PHF20L1: variants seen among roughly 807,000 people sequenced by gnomAD.
PHF20L1 encodes the protein PHD finger protein 20 like 1.
PHF20L1 carries 44 observed loss-of-function variants against 125.5 expected under a neutral mutation model. The observed-to-expected ratio is 0.35, with a 90% CI of 0.28 to 0.45. PHF20L1 has a LOEUF of 0.45. Among genes scored for constraint, PHF20L1 ranks in the 20% least tolerant of loss-of-function variants. The pLI is 1.00. For synonymous variants in PHF20L1, 380 were observed against 403.1 expected, an observed-to-expected ratio of 0.94 and a Z score of 0.69; for missense variants, 1,012 against 1,217.2, an observed-to-expected ratio of 0.83 and a Z score of 2.51.
chr8:132,808,648 A>G (rs1240540712), intron 8 of PHF20L1: 2 of 152,004 alleles, frequency 1.3e-5, no homozygotes, highest in Non-Finnish European at 2.9e-5. Context: ...GAGAATAAAA[A>G]CCTAATGAAT....
In PHF20L1 at chr8:132,793,348, A is replaced by G. The variant is rs148990193; in HGVS notation, c.84-1062A>G. Among the ~76,000 whole-genome samples, 5 of 152,298 alleles carry G rather than the reference A, an allele frequency of 3.3e-5. No homozygotes were observed. The East Asian group carries it at 9.6e-4, about 29-fold the overall frequency. ...AGCTCTACCGGAGAATGATCCTTGA[A>G]ATATCTGAAAAACTCTGAATAGCAA... On this transcript the variant is annotated intron_variant, in intron 2 of 20. Transcript: ENST00000395386.
At chr8:132,810,992 G>T in intron 8 of PHF20L1, 54 bp from the exon 9 acceptor site, 1 of 1,060,644 alleles carries the variant, frequency 9.4e-7, no homozygotes, top group South Asian at 1.3e-5. Flanking sequence ...AAGTTAATTA[G>T]GGTGTAAATC....
chr8:132,844,727 T>C (rs897894430), intron 20 of PHF20L1, among the ~76,000 whole-genome samples: 1 of 152,170 alleles, frequency 6.6e-6, no homozygotes, highest in Non-Finnish European at 1.5e-5. Flanking sequence ...CAAAAACTTC[T>C]ACAAAGTTAA....
Position 132,846,217 on chromosome 8 carries a change from A to G in PHF20L1, c.*294A>G, listed in dbSNP as rs1159387440. The stretch of plus-strand genomic sequence containing the variant: ...GGATTTCAAGTTCTCAGAATTTTTG[A>G]GTAGTTGCTTACGTGAAGCTCAAGA... On this transcript the variant is annotated 3_prime_UTR_variant, in exon 21 of 21. Transcript: ENST00000395386. 1 of 225,182 alleles carries G rather than the reference A, an allele frequency of 4.4e-6. No individual in the cohort carries two copies. Among genetic ancestry groups the G allele is most frequent in the Non-Finnish European group, 8.7e-6 (1 of 115,138 alleles). 13.9% of individuals were successfully genotyped at this position (225,182 alleles called of 1,614,324 possible).
intron 14 of PHF20L1, among the ~76,000 whole-genome samples, chr8:132,831,478 A>G (rs1563842328): frequency 6.6e-6 from 1 of 152,078 alleles, no homozygotes; most frequent in Non-Finnish European, 1.5e-5. Context: ...CAGAATTTTT[A>G]CAGAGTTCTT....
intron 2 of PHF20L1, among the ~76,000 whole-genome samples, chr8:132,779,149 A>G (rs1290557297): frequency 1.3e-5 from 2 of 152,208 alleles, no homozygotes; most frequent in African/African-American, 2.4e-5. Context: ...GTTTGAAGCT[A>G]CAATTTGAGA....
At chr8:132,804,785 T>G in intron 8 of PHF20L1, 45 bp downstream of exon 8, 1 of 1,485,348 alleles carries the variant, frequency 6.7e-7, no homozygotes. Context: ...AATGGAAGGT[T>G]TAATTTTAGA....
At chr8:132,817,681 A>G (rs1229859483) in intron 12 of PHF20L1, 136 bp downstream of exon 12, 2 of 630,728 alleles carry the variant, frequency 3.2e-6, no homozygotes, top group African/African-American at 1.8e-5. Flanking sequence ...TTTAACATTT[A>G]TAGGAGAGTT....
chr8:132,793,599 TGTTAACA>T (rs1832032745), intron 2 of PHF20L1, among the ~76,000 whole-genome samples: 1 of 152,222 alleles, frequency 6.6e-6, no homozygotes, highest in East Asian at 1.9e-4. Flanking sequence ...TTGAGTCATC[TGTTAACA>T]TTTTAATACA....
intron 2 of PHF20L1, among the ~76,000 whole-genome samples, chr8:132,781,645 A>T (rs1830443312): frequency 6.6e-6 from 1 of 152,026 alleles, no homozygotes; most frequent in Non-Finnish European, 1.5e-5. Flanking sequence ...GTTGTCTGGG[A>T]TAGTCTCCAT....
Position 132,845,945 on chromosome 8 carries a change from A to C in PHF20L1, c.*22A>C. 1.3e-6 allele frequency: 2 copies of C among 1,592,382 alleles called. No individual in the cohort carries two copies. Among genetic ancestry groups the C allele is most frequent in the Admixed American group, 1.7e-5 (1 of 58,814 alleles). On this transcript the variant is annotated 3_prime_UTR_variant, in exon 21 of 21. Coordinates refer to ENST00000395386, the MANE Select transcript of PHF20L1 (RefSeq NM_016018.5). ...ATGACAACAGTGAACACTTAATGAA[A>C]GAATGTGGCTTTCTTCAGTCAAAGC...
chr8:132,776,881 G>A (rs536632920), intron 1 of PHF20L1, among the ~76,000 whole-genome samples: 151 of 152,186 alleles, frequency 9.9e-4, no homozygotes, highest in Non-Finnish European at 1.7e-3. Context: ...TTTTGATTAG[G>A]TTATCTCAAA....
In PHF20L1 at chr8:132,843,478, A is replaced by C. The variant is rs1007072816; in HGVS notation, c.2748+603A>C. Reference sequence around the variant, plus strand: ...TTTCTGCATTCCTTAACAAGTAATTACCATAAATAAGTACTTAAGTGAATT... The same window carrying C: ...TTTCTGCATTCCTTAACAAGTAATTCCCATAAATAAGTACTTAAGTGAATT... On this transcript the variant is annotated intron_variant, in intron 19 of 20. Coordinates refer to ENST00000395386, the MANE Select transcript of PHF20L1 (RefSeq NM_016018.5). 3 of 981,028 alleles carry C rather than the reference A, an allele frequency of 3.1e-6. No individual in the cohort carries two copies. In the African/African-American group the frequency reaches 5.3e-5, roughly 17 times the overall value. 60.8% of individuals were successfully genotyped at this position (981,028 alleles called of 1,614,324 possible). A position where few individuals can be genotyped will look rare whatever the true frequency, so the allele number is the denominator to read the frequency against.
Position 132,810,088 on chromosome 8 carries a change from A to G in PHF20L1, c.848-958A>G, listed in dbSNP as rs1445082249. 1.3e-4 allele frequency: 20 copies of G among 150,514 alleles called. No individual in the cohort carries two copies. In the East Asian group the frequency reaches 3.9e-3, roughly 30 times the overall value. The allele number at this position is 150,514 out of a possible 1,614,324, so 9.3% of individuals were successfully genotyped here. A position where few individuals can be genotyped will look rare whatever the true frequency, so the allele number is the denominator to read the frequency against. ...GTGGCGGAGTCTTGCTCTGCCACCT[A>G]GGGTGGAGTGCAGTGGCAGGATCTC... is the stretch of plus-strand genomic sequence containing the variant. On this transcript the variant is annotated intron_variant, in intron 8 of 20. Transcript: ENST00000395386.
chr8:132,789,902 C>T (rs561238794), intron 2 of PHF20L1, among the ~76,000 whole-genome samples: 6 of 152,142 alleles, frequency 3.9e-5, no homozygotes, highest in Non-Finnish European at 7.4e-5. Context: ...TTCTGTTGAA[C>T]CCTTGAGAGA....
chr8:132,837,923 A>C, intron 17 of PHF20L1, 112 bp downstream of exon 17: 1 of 711,998 alleles, frequency 1.4e-6, no homozygotes, highest in Admixed American at 2.0e-5. Flanking sequence ...ACATGATGTC[A>C]TTGATAGGTT....
intron 9 of PHF20L1, chr8:132,811,739 G>A (rs1834415058): frequency 3.0e-6 from 3 of 985,084 alleles, no homozygotes; most frequent in Non-Finnish European, 3.6e-6. Context: ...TGTACATAAT[G>A]AACTGTGCAT....
rs147126886 is a variant in PHF20L1, at chr8:132,844,010, T to C, written c.2749-146T>C. ...AACCACCAGCTGGAATTTGGTTATG[T>C]AGCAGTACTTCTTTAAAGATACCCC... On this transcript the variant is annotated intron_variant, in intron 19 of 20. Transcript: ENST00000395386. 1,141 of 1,425,142 alleles carry C rather than the reference T, an allele frequency of 8.0e-4. 9 individuals carry two copies. The African/African-American group carries it at 0.014, about 18-fold the overall frequency. The allele number at this position is 1,425,142 out of a possible 1,614,324, so 88.3% of individuals were successfully genotyped here.
intron 13 of PHF20L1, 80 bp from the exon 14 acceptor site, chr8:132,825,184 A>G: frequency 6.4e-7 from 1 of 1,569,932 alleles, no homozygotes. Flanking sequence ...ATTAAAACAT[A>G]AATGCTGCTT....
Sources: allele counts gnomAD v4.1 joint callset (sites outside exome capture counted in the v4.1 genomes callset), GRCh38; gene constraint gnomAD v4.1.1; transcripts MANE v1.5; gene names NCBI Gene and HGNC (gene_info 2026-07-23, HGNC 2026-07-21).